Variants in MRGPRX3 observed in about 807,000 individuals in gnomAD.
The protein encoded by MRGPRX3 is mas-related G protein-coupled receptor member X3.
Under a neutral mutation model 16.5 loss-of-function variants are expected in MRGPRX3, and 14 were observed. The observed-to-expected ratio is 0.85, with a 90% CI of 0.56 to 1.33. The LOEUF (loss-of-function observed/expected upper bound fraction) is 1.33. Ranked by LOEUF, MRGPRX3 falls within the 40% of genes most tolerant of loss-of-function variation. The pLI, the probability that MRGPRX3 is intolerant of heterozygous loss-of-function variation, is 0.00. For synonymous variants in MRGPRX3, 199 were observed against 180.1 expected, an observed-to-expected ratio of 1.10 and a Z score of -0.84; for missense variants, 449 against 413.0, an observed-to-expected ratio of 1.09 and a Z score of -0.76.
At chr11:18,131,675 A>T (rs1233965916), upstream of MRGPRX3, among the ~76,000 whole-genome samples, 2 of 152,162 alleles carry the variant, frequency 1.3e-5, no homozygotes, top group East Asian at 3.8e-4. Flanking sequence ...CAGCAATCCC[A>T]TTAAATATGT....
intron 1 of MRGPRX3, among the ~76,000 whole-genome samples, chr11:18,124,876 G>T (rs1848876288): frequency 6.6e-6 from 1 of 152,158 alleles, no homozygotes; most frequent in South Asian, 2.1e-4. Flanking sequence ...GCCTGTTACT[G>T]GTCTATTCAG....
rs547476468 is a variant in MRGPRX3 at position 18,138,066 on chromosome 11, G to T, written c.864G>T (p.Lys288Asn). ...FRQRQNRQNL[K>N]LVLQRALQDT... ...AGCGTCAAAATAGGCAGAACCTGAA[G>T]CTGGTTCTCCAGAGGGCTCTGCAGG... Residue 288 changes from lysine (K) to asparagine (N), a missense_variant, in exon 2 of 2, where the codon AAG (lysine) becomes AAT (asparagine). Coordinates refer to ENST00000621697, the MANE Select transcript of MRGPRX3 (RefSeq NM_001370464.1). The T allele has an allele frequency of 2.5e-5, 41 of 1,614,192 alleles. No homozygotes were observed. The East Asian group carries it at 7.6e-4, about 30-fold the overall frequency.
At chr11:18,124,078 G>A (rs1848867177) in intron 1 of MRGPRX3, among the ~76,000 whole-genome samples, 1 of 152,210 alleles carries the variant, frequency 6.6e-6, no homozygotes, top group Non-Finnish European at 1.5e-5. Flanking sequence ...TCAGCTTAAG[G>A]AGATTTTGGG....
At chr11:18,122,476 T>G (rs1399192579) in intron 1 of MRGPRX3, among the ~76,000 whole-genome samples, 2 of 152,190 alleles carry the variant, frequency 1.3e-5, no homozygotes, top group Admixed American at 6.5e-5. Flanking sequence ...CTCAGAATGA[T>G]GGTTTCCAGC....
chr11:18,128,946 C>T (rs1185754945), upstream of MRGPRX3, among the ~76,000 whole-genome samples: 1 of 152,120 alleles, frequency 6.6e-6, no homozygotes, highest in Non-Finnish European at 1.5e-5. Flanking sequence ...AATTATTATT[C>T]AATCAACAAT....
intron 1 of MRGPRX3, among the ~76,000 whole-genome samples, chr11:18,124,322 G>A (rs1458720554): frequency 4.6e-5 from 7 of 152,078 alleles, no homozygotes; most frequent in East Asian, 1.9e-4. Context: ...ATTGGCTGTG[G>A]GTTTGTCATA....
intron 1 of MRGPRX3, among the ~76,000 whole-genome samples, chr11:18,127,117 G>A (rs575447586): frequency 6.6e-6 from 1 of 152,330 alleles, no homozygotes; most frequent in South Asian, 2.1e-4. Flanking sequence ...CTTCTGGCTT[G>A]TGGAGTTTCT....
At chr11:18,126,716 C>T (rs1356008960) in intron 1 of MRGPRX3, among the ~76,000 whole-genome samples, 1 of 152,188 alleles carries the variant, frequency 6.6e-6, no homozygotes, top group East Asian at 1.9e-4. Flanking sequence ...TGTTCAATTC[C>T]CACCTATGAG....
At chr11:18,136,139 G>T (rs1281002610) in intron 1 of MRGPRX3, among the ~76,000 whole-genome samples, 1 of 152,112 alleles carries the variant, frequency 6.6e-6, no homozygotes, top group Non-Finnish European at 1.5e-5. Context: ...CGCTACCAAA[G>T]ATCTCCCGAA....
chr11:18,129,334 A>G (rs979861302), upstream of MRGPRX3, among the ~76,000 whole-genome samples: 1 of 152,366 alleles, frequency 6.6e-6, no homozygotes, highest in Non-Finnish European at 1.5e-5. Context: ...AATAAGCTCA[A>G]TTAGGAATGA....
upstream of MRGPRX3, among the ~76,000 whole-genome samples, chr11:18,128,050 T>G (rs941827036): frequency 7.2e-5 from 11 of 152,250 alleles, no homozygotes; most frequent in Non-Finnish European, 1.5e-4. Context: ...AGACCCTGTT[T>G]GCCTGAGTAT....
upstream of MRGPRX3, among the ~76,000 whole-genome samples, chr11:18,128,542 T>C (rs1848926122): frequency 6.6e-6 from 1 of 152,186 alleles, no homozygotes; most frequent in African/African-American, 2.4e-5. Context: ...GTGCTAGCAA[T>C]GAGCGAGGCT....
chr11:18,138,249 C>A lies in MRGPRX3; in HGVS notation c.*78C>A. 1.3e-6 allele frequency: 2 copies of A among 1,515,610 alleles called. No homozygotes were observed. Among genetic ancestry groups the A allele is most frequent in the South Asian group, 2.7e-5 (2 of 73,630 alleles). The allele number at this position is 1,515,610 out of a possible 1,614,324, so 93.9% of individuals were successfully genotyped here. On this transcript the variant is annotated 3_prime_UTR_variant, in exon 2 of 2. Coordinates refer to ENST00000621697, the MANE Select transcript of MRGPRX3 (RefSeq NM_001370464.1). Reference sequence around the variant, plus strand: ...ACCCTTGACAATTATATGCATTTTTCTTAGCCTTCTGCCTCAGAAATGTCT... The same window carrying A: ...ACCCTTGACAATTATATGCATTTTTATTAGCCTTCTGCCTCAGAAATGTCT...
At chr11:18,127,910 C>T (rs528279693), upstream of MRGPRX3, among the ~76,000 whole-genome samples, 108 of 152,138 alleles carry the variant, frequency 7.1e-4, no homozygotes, top group African/African-American at 2.5e-3. Flanking sequence ...TTTTATCTGC[C>T]TTTGGTCTTT....
At chr11:18,127,755 G>C (rs994750214), upstream of MRGPRX3, among the ~76,000 whole-genome samples, 8 of 152,078 alleles carry the variant, frequency 5.3e-5, no homozygotes, top group Admixed American at 4.6e-4. Context: ...TCGTCTGAAG[G>C]CTTCTTCTCT....
At chr11:18,135,116 T>G (rs1470723835) in intron 1 of MRGPRX3, among the ~76,000 whole-genome samples, 1 of 152,180 alleles carries the variant, frequency 6.6e-6, no homozygotes, top group Non-Finnish European at 1.5e-5. Context: ...GCTCTTCATG[T>G]TGTGAACCAG....
At chr11:18,133,801 T>C (rs1848983769) in intron 1 of MRGPRX3, among the ~76,000 whole-genome samples, 1 of 152,232 alleles carries the variant, frequency 6.6e-6, no homozygotes, top group Non-Finnish European at 1.5e-5. Flanking sequence ...AATGAACTAA[T>C]ACACAGACAG....
chr11:18,137,541 G>A lies in MRGPRX3; in HGVS notation c.339G>A (p.Leu113=), dbSNP rs1483523187. Residue 113 remains leucine (L), a synonymous_variant, in exon 2 of 2, where the codon CTG becomes CTA. Transcript: ENST00000621697. The part of the protein sequence containing the change: ...TFPYFIGLSM[L]SAISTERCLS... Reference sequence around the variant, plus strand: ...CCTACTTTATAGGCCTAAGCATGCTGAGCGCCATCAGCACCGAGCGCTGCC... The same window carrying A: ...CCTACTTTATAGGCCTAAGCATGCTAAGCGCCATCAGCACCGAGCGCTGCC... 2.5e-6 allele frequency: 4 copies of A among 1,613,972 alleles called. No homozygotes were observed. The highest frequency in any genetic ancestry group is 1.3e-5 in the African/African-American group (1 of 74,880).
At chr11:18,125,347 C>T (rs1206904822) in intron 1 of MRGPRX3, among the ~76,000 whole-genome samples, 1 of 152,174 alleles carries the variant, frequency 6.6e-6, no homozygotes, top group Non-Finnish European at 1.5e-5. Flanking sequence ...TTTCCCTCTA[C>T]ACACTGCTTT....
Sources: allele counts gnomAD v4.1 joint callset (sites outside exome capture counted in the v4.1 genomes callset), GRCh38; gene constraint gnomAD v4.1.1; transcripts MANE v1.5; gene names NCBI Gene and HGNC (gene_info 2026-07-23, HGNC 2026-07-21).